Variants in PPARGC1B observed in about 807,000 individuals in gnomAD.
PPARGC1B encodes peroxisome proliferator-activated receptor gamma coactivator 1-beta.
Under a neutral mutation model 101.6 loss-of-function variants are expected in PPARGC1B, and 34 were observed. The observed-to-expected ratio is 0.33, with a 90% CI of 0.25 to 0.45. The LOEUF is 0.45. PPARGC1B is among the 20% of genes least tolerant of loss of function. The pLI is 1.00. For missense variants in PPARGC1B, 1,234 were observed against 1,317.6 expected (o/e 0.94, Z 0.98); for synonymous variants, 548 against 539.3 (o/e 1.02, Z -0.22).
At chr5:149,813,847 G>A (rs1581085368) in intron 1 of PPARGC1B, among the ~76,000 whole-genome samples, 1 of 152,184 alleles carries the variant, frequency 6.6e-6, no homozygotes, top group African/African-American at 2.4e-5. Context: ...TGGTGAGGAC[G>A]CATTTCCTGG....
chr5:149,776,335 T>C (rs567358679), intron 1 of PPARGC1B, among the ~76,000 whole-genome samples: 1 of 152,218 alleles, frequency 6.6e-6, no homozygotes, highest in Non-Finnish European at 1.5e-5. Context: ...TTCTGCCTTA[T>C]GCAGCGTTTC....
In PPARGC1B at chr5:149,766,327, A is replaced by C. The variant is rs146653165; in HGVS notation, c.78+35907A>C. Among the ~76,000 whole-genome samples the C allele has an allele frequency of 3.3e-3, 509 of 152,354 alleles. 4 individuals are homozygous for C. Among genetic ancestry groups the C allele is most frequent in the African/African-American group, 0.012 (499 of 41,576 alleles). On this transcript the variant is annotated intron_variant, in intron 1 of 11. Coordinates refer to ENST00000309241, the MANE Select transcript of PPARGC1B (RefSeq NM_133263.4). ...GAGTACCAGACCTAGCAGAGCCTTA[A>C]TAATCAGTTAATCTATATATTTAAA...
intron 1 of PPARGC1B, among the ~76,000 whole-genome samples, chr5:149,773,285 A>G (rs1481483780): frequency 6.6e-6 from 1 of 152,218 alleles, no homozygotes; most frequent in African/African-American, 2.4e-5. Flanking sequence ...AGAGGAAACA[A>G]AGCTGTGCCT....
intron 1 of PPARGC1B, among the ~76,000 whole-genome samples, chr5:149,799,777 A>C (rs1203686733): frequency 7.3e-6 from 1 of 136,514 alleles, no homozygotes; most frequent in Non-Finnish European, 1.5e-5. Flanking sequence ...AGCTCACTGC[A>C]ACCTCCGCCT....
intron 3 of PPARGC1B, among the ~76,000 whole-genome samples, chr5:149,828,265 T>G (rs547216001): frequency 2.1e-3 from 316 of 152,362 alleles, no homozygotes; most frequent in Non-Finnish European, 3.2e-3. Context: ...GAGGGGGTCC[T>G]GCTTCATTTC....
chr5:149,758,629 C>G (rs1012729967), intron 1 of PPARGC1B, among the ~76,000 whole-genome samples: 2 of 152,174 alleles, frequency 1.3e-5, no homozygotes, highest in African/African-American at 4.8e-5. Flanking sequence ...AGGGTGTGGA[C>G]AGGTACAACA....
chr5:149,736,214 T>G (rs1424696870), intron 1 of PPARGC1B, among the ~76,000 whole-genome samples: 1 of 152,154 alleles, frequency 6.6e-6, no homozygotes, highest in African/African-American at 2.4e-5. Context: ...ATCCTTGAAA[T>G]GGGGATAATA....
intron 1 of PPARGC1B, among the ~76,000 whole-genome samples, chr5:149,775,958 T>C (rs531547798): frequency 6.6e-6 from 1 of 151,950 alleles, no homozygotes; most frequent in African/African-American, 2.4e-5. Context: ...CAAATTCTTA[T>C]GACATAACCA....
intron 1 of PPARGC1B, among the ~76,000 whole-genome samples, chr5:149,750,549 G>A (rs985465694): frequency 3.3e-5 from 5 of 150,154 alleles, no homozygotes; most frequent in African/African-American, 1.2e-4. Flanking sequence ...CTGCAGACTT[G>A]GCTGTGGGTG....
intron 1 of PPARGC1B, among the ~76,000 whole-genome samples, chr5:149,776,591 A>G (rs752237088): frequency 2.0e-5 from 3 of 152,130 alleles, no homozygotes; most frequent in African/African-American, 4.8e-5. Flanking sequence ...GAGCATGTGT[A>G]GGTGGTTGCT....
rs1338668660 is a variant in PPARGC1B, at chr5:149,847,477, C to T, written c.2991C>T (p.Ala997=). The T allele has an allele frequency of 1.2e-6, 2 of 1,614,072 alleles. No homozygotes were observed. The highest frequency in any genetic ancestry group is 1.7e-6 in the Non-Finnish European group (2 of 1,180,000). The change falls in exon 12 of 12, where the codon GCC becomes GCT. Residue 997 remains alanine, a synonymous_variant. Transcript: ENST00000309241. ...YTDYDSNSEE[A]LPASGKSKYE... ...GCCCAGATTCCAATTCAGAAGAGGC[C>T]CTTCCTGCGTCAGGGAAAAGCAAGT...
chr5:149,815,035 A>G (rs1213076326), intron 1 of PPARGC1B, among the ~76,000 whole-genome samples: 1 of 152,252 alleles, frequency 6.6e-6, no homozygotes, highest in Non-Finnish European at 1.5e-5. Context: ...CCCCACCTGC[A>G]GATGGGAATG....
intron 1 of PPARGC1B, among the ~76,000 whole-genome samples, chr5:149,813,649 A>G (rs1757941785): frequency 6.6e-6 from 1 of 152,200 alleles, no homozygotes; most frequent in African/African-American, 2.4e-5. Context: ...CACCTTGGGA[A>G]GGTACTGATG....
chr5:149,760,479 A>G (rs1360124475), intron 1 of PPARGC1B, among the ~76,000 whole-genome samples: 1 of 152,158 alleles, frequency 6.6e-6, no homozygotes, highest in Non-Finnish European at 1.5e-5. Context: ...AGAGGATACT[A>G]TTATCTGCCT....
intron 1 of PPARGC1B, among the ~76,000 whole-genome samples, chr5:149,733,367 C>A (rs1050923729): frequency 2.0e-5 from 3 of 152,196 alleles, no homozygotes; most frequent in Non-Finnish European, 4.4e-5. Flanking sequence ...TCAGGCTATG[C>A]CCCTGGCCCA....
rs1471185704 is a variant in PPARGC1B at position 149,730,336 on chromosome 5, C to T, written c.-7C>T. 3 of 1,556,904 alleles carry T rather than the reference C, an allele frequency of 1.9e-6. No homozygotes were observed. The highest frequency in any genetic ancestry group is 1.8e-4 in the Middle Eastern group (1 of 5,698). On this transcript the variant is annotated 5_prime_UTR_variant, in exon 1 of 12. Coordinates refer to ENST00000309241, the MANE Select transcript of PPARGC1B (RefSeq NM_133263.4). This position sits in a 1 kb window ranked among gnomAD's most constrained non-coding sequence, Gnocchi z 4.0. The stretch of plus-strand genomic sequence containing the variant: ...ACTCCGCCGCACGCTGCAGCCGCGG[C>T]TGGAAGATGGCGGGGAACGACTGCG...
At chr5:149,771,788 A>G (rs377284527) in intron 1 of PPARGC1B, among the ~76,000 whole-genome samples, 2 of 152,224 alleles carry the variant, frequency 1.3e-5, no homozygotes, top group African/African-American at 4.8e-5. Context: ...TGGGAAATGC[A>G]TAACAACTGG....
intron 1 of PPARGC1B, among the ~76,000 whole-genome samples, chr5:149,796,690 A>G (rs1228799015): frequency 6.6e-6 from 1 of 152,110 alleles, no homozygotes; most frequent in South Asian, 2.1e-4. Context: ...GAGAGTGCAG[A>G]CAAGACTGGC....
At chr5:149,772,922 G>T (rs1458836608) in intron 1 of PPARGC1B, among the ~76,000 whole-genome samples, 1 of 152,156 alleles carries the variant, frequency 6.6e-6, no homozygotes, top group African/African-American at 2.4e-5. Context: ...TAGTATGATG[G>T]TATCCTATGC....
Sources: allele counts gnomAD v4.1 joint callset (sites outside exome capture counted in the v4.1 genomes callset), GRCh38; gene constraint gnomAD v4.1.1; non-coding constraint Gnocchi (gnomAD v3.1); transcripts MANE v1.5; gene names NCBI Gene and HGNC (gene_info 2026-07-23, HGNC 2026-07-21).